SHC3: variants seen among roughly 807,000 people sequenced by gnomAD.
SHC3 encodes the protein SHC-transforming protein 3.
In SHC3, 15 loss-of-function variants were observed where a neutral mutation model predicts 60.4. The ratio of observed to expected loss-of-function variants is 0.25; its 90% CI spans 0.17 to 0.38. The LOEUF (loss-of-function observed/expected upper bound fraction) is 0.38. SHC3 is among the 10% of genes least tolerant of loss of function. SHC3 has a pLI of 1.00. For missense variants in SHC3, 677 were observed against 786.1 expected (o/e 0.86, Z 1.66); for synonymous variants, 294 against 325.9 (o/e 0.90, Z 1.05).
intron 2 of SHC3, chr9:89,109,420 A>G (rs766868281): frequency 5.4e-5 from 53 of 984,750 alleles, no homozygotes; most frequent in Non-Finnish European, 5.8e-5. Flanking sequence ...CGGAATGTAC[A>G]TGGATAAGGG....
intron 1 of SHC3, among the ~76,000 whole-genome samples, chr9:89,125,468 A>T (rs1285015990): frequency 4.6e-5 from 7 of 151,994 alleles, no homozygotes; most frequent in Non-Finnish European, 7.4e-5. Flanking sequence ...AGCTCCTGGC[A>T]CACCATATTG....
At chr9:89,132,844 C>T (rs1826267290) in intron 1 of SHC3, among the ~76,000 whole-genome samples, 1 of 152,164 alleles carries the variant, frequency 6.6e-6, no homozygotes, top group South Asian at 2.1e-4. Context: ...AGGACATAGG[C>T]ATGGGCAAGG....
chr9:89,135,771 G>C (rs941102313), intron 1 of SHC3, among the ~76,000 whole-genome samples: 6 of 152,110 alleles, frequency 3.9e-5, no homozygotes, highest in African/African-American at 1.2e-4. Context: ...AGATGGATGA[G>C]TAATGTAGAA....
chr9:89,127,069 G>A (rs1489060050), intron 1 of SHC3, among the ~76,000 whole-genome samples: 1 of 152,134 alleles, frequency 6.6e-6, no homozygotes, highest in African/African-American at 2.4e-5. Context: ...TTAGACTCCT[G>A]GGAAAAGCAA....
At chr9:89,161,193 T>C (rs559352854) in intron 1 of SHC3, among the ~76,000 whole-genome samples, 1 of 152,334 alleles carries the variant, frequency 6.6e-6, no homozygotes, top group Admixed American at 6.5e-5. Context: ...CATACGATCA[T>C]GGCAGCAGGT....
chr9:89,066,037 C>T (rs759650670), intron 5 of SHC3, among the ~76,000 whole-genome samples: 2 of 152,112 alleles, frequency 1.3e-5, no homozygotes, highest in Non-Finnish European at 1.5e-5. Flanking sequence ...TTAGATGCTC[C>T]CTAGATGACT....
rs576968375 is a variant in SHC3 at position 89,098,932 on chromosome 9, A to C, written c.545+13624T>G. 7.9e-5 allele frequency among the ~76,000 whole-genome samples: 12 copies of C among 152,326 alleles called. No individual in the cohort carries two copies. In the South Asian group the frequency reaches 2.5e-3, roughly 32 times the overall value. Reference sequence around the variant, plus strand: ...GGTTGCAGTGAGCCGACATTGTGCCACTGCACTCTAGCTTGGGCAACAAAG... The same window carrying C: ...GGTTGCAGTGAGCCGACATTGTGCCCCTGCACTCTAGCTTGGGCAACAAAG... On this transcript the variant is annotated intron_variant, in intron 2 of 11. Coordinates refer to ENST00000375835, the MANE Select transcript of SHC3 (RefSeq NM_016848.6).
At chr9:89,167,202 G>T (rs142684035) in intron 1 of SHC3, among the ~76,000 whole-genome samples, 210 of 152,250 alleles carry the variant, frequency 1.4e-3, no homozygotes, top group African/African-American at 5.0e-3. Context: ...GCTGTTATTT[G>T]TGAGTCTTAT....
chr9:89,120,910 A>G (rs975963803), intron 1 of SHC3, among the ~76,000 whole-genome samples: 8 of 151,726 alleles, frequency 5.3e-5, no homozygotes, highest in Non-Finnish European at 1.2e-4. Flanking sequence ...TTAAAATAAA[A>G]ATTAAAAATT....
intron 1 of SHC3, among the ~76,000 whole-genome samples, chr9:89,152,935 A>T (rs1826564207): frequency 6.6e-6 from 1 of 152,230 alleles, no homozygotes; most frequent in Non-Finnish European, 1.5e-5. Flanking sequence ...AATTGCCGTA[A>T]ACTAATCAAT....
chr9:89,045,685 G>C, intron 9 of SHC3, 61 bp downstream of exon 9: 1 of 1,490,596 alleles, frequency 6.7e-7, no homozygotes, highest in Non-Finnish European at 9.3e-7. Context: ...ACCCAGTGGT[G>C]AGCATGTTAC....
rs1825950191 is a variant in SHC3 at position 89,007,108 on chromosome 9, TG to T, written c.*6338del. ...CCTAGGGAAGGAGCCTGTGTGTTTT[TG>T]GCCTGAAGGATTCATCAATTCAGAG... On this transcript the variant is annotated 3_prime_UTR_variant, in exon 12 of 12. Coordinates refer to ENST00000375835, the MANE Select transcript of SHC3 (RefSeq NM_016848.6). 4 of 152,336 alleles carry T rather than the reference TG, an allele frequency of 2.6e-5. No homozygotes were observed. Among genetic ancestry groups the T allele is most frequent in the African/African-American group, 9.6e-5 (4 of 41,566 alleles). 9.4% of individuals were successfully genotyped at this position (152,336 alleles called of 1,614,324 possible). A position where few individuals can be genotyped will look rare whatever the true frequency, so the allele number is the denominator to read the frequency against.
At chr9:89,100,185 G>A (rs1235554978) in intron 2 of SHC3, among the ~76,000 whole-genome samples, 1 of 152,170 alleles carries the variant, frequency 6.6e-6, no homozygotes, top group Non-Finnish European at 1.5e-5. Flanking sequence ...GATCCAAGAT[G>A]CATATTTTTT....
chr9:89,126,570 A>T (rs939582479), intron 1 of SHC3, among the ~76,000 whole-genome samples: 4 of 152,162 alleles, frequency 2.6e-5, no homozygotes, highest in Non-Finnish European at 5.9e-5. Context: ...CGCTATGGAC[A>T]AGTTGCCTCC....
intron 11 of SHC3, among the ~76,000 whole-genome samples, chr9:89,037,012 T>C (rs1824592607): frequency 6.7e-6 from 1 of 148,426 alleles, no homozygotes; most frequent in Non-Finnish European, 1.5e-5. Flanking sequence ...GTTACATTCA[T>C]GAGGAAGTGG....
chr9:89,157,295 CT>C (rs1288834651), intron 1 of SHC3, among the ~76,000 whole-genome samples: 1 of 152,172 alleles, frequency 6.6e-6, no homozygotes, highest in African/African-American at 2.4e-5. Context: ...AAAGGAAAAT[CT>C]GACCACAGGT....
intron 6 of SHC3, among the ~76,000 whole-genome samples, chr9:89,054,209 G>A (rs945992849): frequency 6.6e-6 from 1 of 152,168 alleles, no homozygotes; most frequent in East Asian, 1.9e-4. Flanking sequence ...TGTGGAGCAG[G>A]TCAGGGCTTG....
At chr9:89,037,309 G>T in intron 11 of SHC3, 1 of 574,842 alleles carries the variant, frequency 1.7e-6, no homozygotes, top group Non-Finnish European at 3.1e-6. Flanking sequence ...CTGCTTTGTT[G>T]TTTTCACTGG....
chr9:89,178,515 G>C lies in SHC3; in HGVS notation c.-55C>G, dbSNP rs137971758. 7.2e-7 allele frequency: 1 copy of C among 1,393,350 alleles called. No homozygotes were observed. The highest frequency in any genetic ancestry group is 3.1e-5 in the Admixed American group (1 of 32,410). The allele number at this position is 1,393,350 out of a possible 1,614,324, so 86.3% of individuals were successfully genotyped here. ...GGGCGCTGCTGGTGCCGGCCCCGGC[G>C]CGGGCTGCCGCGCATAGCAGGCGAG... On this transcript the variant is annotated 5_prime_UTR_variant, in exon 1 of 12. Coordinates refer to ENST00000375835, the MANE Select transcript of SHC3 (RefSeq NM_016848.6). The surrounding 1 kb of genome is among the most constrained non-coding windows in gnomAD (Gnocchi z 6.9).
Sources: gnomAD v4.1 joint callset for allele counts (sites outside exome capture counted in the v4.1 genomes callset) on GRCh38, gnomAD v4.1.1 for gene constraint, Gnocchi (gnomAD v3.1) non-coding constraint, MANE v1.5 for transcripts, NCBI Gene and HGNC (gene_info 2026-07-23, HGNC 2026-07-21) for gene names.